Variants in MAGI2 observed in about 807,000 individuals in gnomAD.
MAGI2 encodes membrane associated guanylate kinase, WW and PDZ domain containing 2, also known as membrane-associated guanylate kinase, WW and PDZ domain-containing protein 2.
Under a neutral mutation model 133.3 loss-of-function variants are expected in MAGI2, and 35 were observed. That is an observed-to-expected ratio of 0.26 (90% CI 0.20 to 0.35). MAGI2 has a LOEUF of 0.35. MAGI2 is among the 10% of genes least tolerant of loss of function. The probability of loss-of-function intolerance (pLI) is 1.00; values close to 1 mark genes in which losing one functional copy is unlikely to be tolerated. For synonymous variants in MAGI2, 729 were observed against 710.6 expected, an observed-to-expected ratio of 1.03 and a Z score of -0.41; for missense variants, 1,636 against 1,863.4, an observed-to-expected ratio of 0.88 and a Z score of 2.25.
intron 1 of MAGI2, among the ~76,000 whole-genome samples, chr7:79,207,083 G>A (rs1306992259): frequency 6.6e-6 from 1 of 151,852 alleles, no homozygotes; most frequent in East Asian, 1.9e-4. Context: ...CACAATAAGG[G>A]CCATACATGA....
chr7:78,919,535 A>G (rs1799067430), intron 2 of MAGI2, among the ~76,000 whole-genome samples: 1 of 152,124 alleles, frequency 6.6e-6, no homozygotes. Context: ...AGTTGTTAAG[A>G]AAGTGTTAAA....
chr7:79,247,392 A>C (rs1246894959), intron 1 of MAGI2, among the ~76,000 whole-genome samples: 1 of 152,136 alleles, frequency 6.6e-6, no homozygotes, highest in Non-Finnish European at 1.5e-5. Flanking sequence ...AGTTAGGAGG[A>C]CCGCTTGAGC....
In MAGI2 at chr7:78,472,291, G is replaced by A. The variant is rs1345027173; in HGVS notation, c.1045+17470C>T. On this transcript the variant is annotated intron_variant, in intron 6 of 21. Coordinates refer to ENST00000354212, the MANE Select transcript of MAGI2 (RefSeq NM_012301.4). ...TTAAAAAATAGTCATTTCTTTGCTG[G>A]ATTTGCCTGCAAATTTATATACATA... Among the ~76,000 whole-genome samples, 3 of 151,970 alleles carry A rather than the reference G, an allele frequency of 2.0e-5. No homozygotes were observed. In the East Asian group the frequency reaches 5.8e-4, roughly 29 times the overall value.
intron 1 of MAGI2, among the ~76,000 whole-genome samples, chr7:79,424,674 A>AT (rs1381100833): frequency 6.6e-6 from 1 of 152,136 alleles, no homozygotes; most frequent in South Asian, 2.1e-4. Flanking sequence ...AATTACATAA[A>AT]TTTTTTGTCC....
At chr7:78,893,665 G>A (rs904002211) in intron 2 of MAGI2, among the ~76,000 whole-genome samples, 2 of 151,512 alleles carry the variant, frequency 1.3e-5, no homozygotes, top group African/African-American at 2.4e-5. Flanking sequence ...TCACTCACAG[G>A]TAGGAATTAA....
intron 2 of MAGI2, among the ~76,000 whole-genome samples, chr7:78,719,269 G>A (rs1048046819): frequency 6.6e-6 from 1 of 152,018 alleles, no homozygotes; most frequent in Non-Finnish European, 1.5e-5. Flanking sequence ...AACAATTGAA[G>A]TCTTACAAAT....
At chr7:79,314,767 G>A (rs560681121) in intron 1 of MAGI2, among the ~76,000 whole-genome samples, 34 of 152,260 alleles carry the variant, frequency 2.2e-4, no homozygotes, top group African/African-American at 7.9e-4. Context: ...AAGATAAACT[G>A]TGACTTTTAT....
intron 3 of MAGI2, among the ~76,000 whole-genome samples, chr7:78,525,611 G>A (rs554468760): frequency 2.0e-5 from 3 of 152,284 alleles, no homozygotes; most frequent in South Asian, 2.1e-4. Flanking sequence ...TAAAACAGAC[G>A]AAAAAACAAA....
At chr7:78,145,726 T>C (rs1461269235) in intron 16 of MAGI2, among the ~76,000 whole-genome samples, 1 of 152,166 alleles carries the variant, frequency 6.6e-6, no homozygotes, top group Non-Finnish European at 1.5e-5. Flanking sequence ...ATCTGTTCAT[T>C]GTAAATCACC....
chr7:78,843,068 T>A (rs1169480576), intron 2 of MAGI2, among the ~76,000 whole-genome samples: 1 of 151,876 alleles, frequency 6.6e-6, no homozygotes, highest in East Asian at 1.9e-4. Flanking sequence ...ATTTCTCAAT[T>A]TTGGTACATT....
chr7:78,952,977 A>C (rs1474691070), intron 2 of MAGI2, among the ~76,000 whole-genome samples: 2 of 152,132 alleles, frequency 1.3e-5, no homozygotes, highest in African/African-American at 4.8e-5. Context: ...ACTAAAGTGA[A>C]ATATTTGTTA....
intron 16 of MAGI2, among the ~76,000 whole-genome samples, chr7:78,155,530 C>T (rs971540301): frequency 1.3e-5 from 2 of 152,164 alleles, no homozygotes; most frequent in Admixed American, 1.3e-4. Flanking sequence ...AGGAGGATCA[C>T]TTGAACCCAG....
intron 1 of MAGI2, among the ~76,000 whole-genome samples, chr7:79,137,106 C>T (rs945251900): frequency 3.3e-5 from 5 of 152,008 alleles, no homozygotes; most frequent in African/African-American, 9.7e-5. Context: ...TGAGGCTTGA[C>T]TGAGGCTGGG....
intron 6 of MAGI2, among the ~76,000 whole-genome samples, chr7:78,429,866 A>G (rs1799628715): frequency 6.6e-6 from 1 of 152,100 alleles, no homozygotes; most frequent in African/African-American, 2.4e-5. Context: ...AAGTATTCCC[A>G]TTTTTATAGA....
intron 20 of MAGI2, among the ~76,000 whole-genome samples, chr7:78,090,093 C>T (rs748301014): frequency 1.3e-5 from 2 of 152,182 alleles, no homozygotes; most frequent in Non-Finnish European, 1.5e-5. Context: ...CTGGATCCTT[C>T]AATCCCATCT....
chr7:78,853,340 T>TCG (rs1793324777), intron 2 of MAGI2, among the ~76,000 whole-genome samples: 5 of 63,216 alleles, frequency 7.9e-5, no homozygotes, highest in African/African-American at 2.6e-4. Context: ...TTCTTTTTTT[T>TCG]TTTTTTTTTT....
chr7:78,393,758 A>T (rs1378019876), intron 6 of MAGI2, among the ~76,000 whole-genome samples: 1 of 152,194 alleles, frequency 6.6e-6, no homozygotes, highest in Non-Finnish European at 1.5e-5. Flanking sequence ...TTCTGTTTGC[A>T]GTAGTATGTG....
At chr7:79,410,254 G>A (rs1002494616) in intron 1 of MAGI2, 2 of 152,100 alleles carry the variant, frequency 1.3e-5, no homozygotes, top group African/African-American at 4.8e-5. Context: ...AATCTGGTAA[G>A]GCTAAATTAT....
chr7:79,028,946 A>G (rs12540352), intron 1 of MAGI2, among the ~76,000 whole-genome samples: 86,357 of 151,972 alleles, frequency 0.57, 24,770 homozygotes, highest in East Asian at 0.63. Flanking sequence ...TTATACATTA[A>G]CCAAAATATT....
Sources: gnomAD v4.1 joint callset for allele counts (sites outside exome capture counted in the v4.1 genomes callset) on GRCh38, gnomAD v4.1.1 for gene constraint, MANE v1.5 for transcripts, NCBI Gene and HGNC (gene_info 2026-07-23, HGNC 2026-07-21) for gene names.